ACP7: variants seen among roughly 807,000 people sequenced by gnomAD.
ACP7 encodes acid phosphatase 7, tartrate resistant (putative).
ACP7 carries 58 observed loss-of-function variants against 60.6 expected under a neutral mutation model. The observed-to-expected ratio is 0.96, with a 90% CI of 0.77 to 1.19. ACP7 has a LOEUF of 1.19. Ranked by LOEUF, ACP7 falls within the 50% of genes most tolerant of loss-of-function variation. The pLI, the probability that ACP7 is intolerant of heterozygous loss-of-function variation, is 0.00. For synonymous variants in ACP7, 237 were observed against 232.6 expected, an observed-to-expected ratio of 1.02 and a Z score of -0.17; for missense variants, 574 against 596.2, an observed-to-expected ratio of 0.96 and a Z score of 0.39.
chr19:39,099,712 G>A (rs1172945281), intron 4 of ACP7, among the ~76,000 whole-genome samples: 1 of 151,982 alleles, frequency 6.6e-6, no homozygotes, highest in East Asian at 1.9e-4. Flanking sequence ...CTCATCTTGG[G>A]CCAGGCGCAG....
intron 2 of ACP7, among the ~76,000 whole-genome samples, chr19:39,096,986 G>A (rs2073273073): frequency 6.6e-6 from 1 of 152,076 alleles, no homozygotes; most frequent in African/African-American, 2.4e-5. Context: ...ATTTTTAGTA[G>A]AGATGGGGTT....
At chr19:39,092,100 C>T (rs1434274779) in intron 2 of ACP7, among the ~76,000 whole-genome samples, 27 of 151,612 alleles carry the variant, frequency 1.8e-4, no homozygotes, top group Admixed American at 1.4e-3. Context: ...ATAAAGCATG[C>T]GGTGGCTCAC....
rs112817740 is a variant in ACP7, at chr19:39,099,248, G to A, written c.505+106G>A. 8,191 of 1,249,532 alleles carry A rather than the reference G, an allele frequency of 6.6e-3. 39 individuals are homozygous for A. Among genetic ancestry groups the A allele is most frequent in the Non-Finnish European group, 7.9e-3 (7,614 of 959,130 alleles). 77.4% of individuals were successfully genotyped at this position (1,249,532 alleles called of 1,614,324 possible). On this transcript the variant is annotated intron_variant, in intron 4 of 12. Transcript: ENST00000331256. ...GCGGGTCGGGGGCGGTGCTAGGACCGTGGAGGGGACAGGGCTGGGGCCAGT... is the reference window on the plus strand; with the variant it reads ...GCGGGTCGGGGGCGGTGCTAGGACCATGGAGGGGACAGGGCTGGGGCCAGT...
intron 4 of ACP7, 120 bp downstream of exon 4, chr19:39,099,262 G>A (rs573780149): frequency 2.6e-6 from 3 of 1,159,648 alleles, no homozygotes; most frequent in Non-Finnish European, 3.4e-6. Flanking sequence ...AGGGGACAGG[G>A]CTGGGGCCAG....
intron 2 of ACP7, among the ~76,000 whole-genome samples, chr19:39,085,823 G>A (rs1046290002): frequency 6.6e-6 from 1 of 152,152 alleles, no homozygotes; most frequent in African/African-American, 2.4e-5. Context: ...TCTTTGATTA[G>A]GATCCTTCCA....
In ACP7 at chr19:39,101,209, T is replaced by C; in HGVS notation, c.973+2T>C. 6.2e-7 allele frequency: 1 copy of C among 1,614,120 alleles called. No homozygotes were observed. The highest frequency in any genetic ancestry group is 8.5e-7 in the Non-Finnish European group (1 of 1,180,012). On this transcript the variant is annotated splice_donor_variant, in intron 9 of 12. Transcript: ENST00000331256. LOFTEE classifies it high-confidence loss of function. ...TGGAGGATCTTTTCTACAAATATGG[T>C]GAGCGACCCTCAGGACCCATGCCCC... is the stretch of plus-strand genomic sequence containing the variant.
intron 11 of ACP7, among the ~76,000 whole-genome samples, chr19:39,102,834 C>CTTCT (rs1008119112): frequency 7.2e-6 from 1 of 139,184 alleles, no homozygotes; most frequent in Non-Finnish European, 1.5e-5. Flanking sequence ...TCCTTCCTTC[C>CTTCT]TTCTTTCTTT....
Position 39,085,136 on chromosome 19 carries a change from C to A in ACP7, c.-134C>A. On this transcript the variant is annotated 5_prime_UTR_variant, in exon 2 of 13. Transcript: ENST00000331256. The stretch of plus-strand genomic sequence containing the variant: ...CTTGAAGGAGACCTCCCTGCCCTGC[C>A]TCTGTTGTCCCCCAGAGCACTGCCT... The A allele has an allele frequency of 8.6e-7, 1 of 1,161,412 alleles. No individual in the cohort carries two copies. The allele number at this position is 1,161,412 out of a possible 1,614,324, so 71.9% of individuals were successfully genotyped here.
chr19:39,107,573 T>A (rs1380952317), intron 12 of ACP7, among the ~76,000 whole-genome samples: 2 of 78,806 alleles, frequency 2.5e-5, no homozygotes, highest in African/African-American at 9.2e-5. Context: ...AGCAAGACTC[T>A]GTCTCAAAAA....
intron 11 of ACP7, among the ~76,000 whole-genome samples, chr19:39,106,064 C>A (rs1037471280): frequency 9.9e-5 from 15 of 152,180 alleles, no homozygotes; most frequent in African/African-American, 3.6e-4. Context: ...CATTCATGAT[C>A]CTTGCTTCAA....
At chr19:39,099,220 C>T (rs2073311252) in intron 4 of ACP7, 78 bp downstream of exon 4, 1 of 1,356,382 alleles carries the variant, frequency 7.4e-7, no homozygotes, top group South Asian at 1.6e-5. Flanking sequence ...GGGTCGGGGG[C>T]GCGCGGGTCG....
At chr19:39,102,768 TC>T (rs1568482783) in intron 11 of ACP7, among the ~76,000 whole-genome samples, 43 of 57,004 alleles carry the variant, frequency 7.5e-4, no homozygotes, top group African/African-American at 1.2e-3. Context: ...TCTTTCTTTC[TC>T]TCTCTCTCTC....
In ACP7 at chr19:39,101,480, C is replaced by A; in HGVS notation, c.1056C>A (p.Ser352Arg). 6.2e-7 allele frequency: 1 copy of A among 1,614,026 alleles called. No individual in the cohort carries two copies. The highest frequency in any genetic ancestry group is 8.5e-7 in the Non-Finnish European group (1 of 1,180,022). Reference protein sequence around the residue: ...PIYNYQVFNGSREMPYTNPRG... With the variant: ...PIYNYQVFNGRREMPYTNPRG... Reference sequence around the variant, plus strand: ...CCCTTCCCCAGGTATTTAACGGCAGCCGAGAGATGCCCTACACCAACCCGC... The same window carrying A: ...CCCTTCCCCAGGTATTTAACGGCAGACGAGAGATGCCCTACACCAACCCGC... Residue 352 changes from serine (S) to arginine (R), a missense_variant, in exon 11 of 13, where the codon AGC becomes AGA. Ser to Arg is a moderately radical substitution (Grantham distance 110). Coordinates refer to ENST00000331256, the MANE Select transcript of ACP7 (RefSeq NM_001004318.3).
chr19:39,089,884 G>A (rs1029481552), intron 2 of ACP7, among the ~76,000 whole-genome samples: 1 of 152,192 alleles, frequency 6.6e-6, no homozygotes, highest in South Asian at 2.1e-4. Context: ...GTGACTTATT[G>A]ATGTTGACCC....
chr19:39,091,687 A>T (rs1299747530), intron 2 of ACP7, among the ~76,000 whole-genome samples: 1 of 152,028 alleles, frequency 6.6e-6, no homozygotes, highest in East Asian at 1.9e-4. Context: ...AGGTGGGTGG[A>T]TCACTTGAGG....
In ACP7 at chr19:39,107,173, G is replaced by A. The variant is rs138504365; in HGVS notation, c.1251+89G>A. ...GTTAAAAACGTGGGCTCGGCCGGGC[G>A]CAGTGGCTCATGCCTGCAACACCTG... is the stretch of plus-strand genomic sequence containing the variant. On this transcript the variant is annotated intron_variant, in intron 12 of 12. Coordinates refer to ENST00000331256, the MANE Select transcript of ACP7 (RefSeq NM_001004318.3). 9.6e-4 allele frequency: 1,287 copies of A among 1,346,776 alleles called. 26 individuals carry two copies. In the African/African-American group the frequency reaches 0.015, roughly 16 times the overall value. The allele number at this position is 1,346,776 out of a possible 1,614,324, so 83.4% of individuals were successfully genotyped here. A position where few individuals can be genotyped will look rare whatever the true frequency, so the allele number is the denominator to read the frequency against.
rs1555769451 is a variant in ACP7, at chr19:39,102,745, T to TTCTTTCTTTCTC, written c.1113+1219_1113+1220insCTCTTTCTTTCT. On this transcript the variant is annotated intron_variant, in intron 11 of 12. Transcript: ENST00000331256. ...TTTCTTTCTTTCTTTCTTTCTTTCTTTCTTTCTTTCTTTCTTTCTTTCTCT... is the reference window on the plus strand; with the variant it reads ...TTTCTTTCTTTCTTTCTTTCTTTCTTTCTTTCTTTCTCTCTTTCTTTCTTTCTTTCTTTCTCT... 3.7e-5 allele frequency among the ~76,000 whole-genome samples: 3 copies of TTCTTTCTTTCTC among 81,742 alleles called. 1 individual carries two copies. The Admixed American group carries it at 4.0e-4, about 11-fold the overall frequency. The allele number at this position is 81,742 out of a possible 152,430, so 53.6% of individuals were successfully genotyped here.
chr19:39,100,126 G>T (rs182823425), intron 4 of ACP7, 101 bp from the exon 5 acceptor site: 4 of 1,496,258 alleles, frequency 2.7e-6, no homozygotes, highest in South Asian at 2.5e-5. Context: ...CTCCCGAAGC[G>T]CTGGGATTAA....
chr19:39,083,809 T>C (rs2073110498), upstream of ACP7: 1 of 152,270 alleles, frequency 6.6e-6, no homozygotes, highest in Non-Finnish European at 1.5e-5. Flanking sequence ...ATAACTCACC[T>C]AGGTCGCACA....
Sources: allele counts gnomAD v4.1 joint callset (sites outside exome capture counted in the v4.1 genomes callset), GRCh38; gene constraint gnomAD v4.1.1; transcripts MANE v1.5; gene names NCBI Gene and HGNC (gene_info 2026-07-23, HGNC 2026-07-21).